PKD1L3: variants seen among roughly 807,000 people sequenced by gnomAD.
PKD1L3 encodes the protein polycystin-1-like protein 3.
PKD1L3 carries 239 observed loss-of-function variants against 184.1 expected under a neutral mutation model. That is an observed-to-expected ratio of 1.30 (90% CI 1.17 to 1.45). PKD1L3 has a LOEUF of 1.45. Among genes scored for constraint, PKD1L3 ranks in the 40% most tolerant of loss-of-function variants. The pLI, the probability that PKD1L3 is intolerant of heterozygous loss-of-function variation, is 0.00. For synonymous variants in PKD1L3, 996 were observed against 778.8 expected, an observed-to-expected ratio of 1.28 and a Z score of -4.64; for missense variants, 2,660 against 2,067.2, an observed-to-expected ratio of 1.29 and a Z score of -5.56.
At chr16:71,953,951 C>T (rs1055644469) in intron 17 of PKD1L3, among the ~76,000 whole-genome samples, 154 bp downstream of exon 17, 10 of 152,008 alleles carry the variant, frequency 6.6e-5, no homozygotes, top group African/African-American at 1.9e-4. Flanking sequence ...CATGGTGACT[C>T]GTGCCTGTAA....
rs1166159521 is a variant in PKD1L3 at position 71,963,223 on chromosome 16, C to G, written c.2594G>C (p.Arg865Thr). ...ACAGTACCTAAAGGAAAAGAGCTCT[C>G]TCTTTGAAACTGGGATGAAGACCCG... ...LDRVFIPVSK[R>T]ELFSFRHLFS... is the part of the protein sequence containing the mutation. The change falls in exon 16 of 30, where the codon AGA becomes ACA. Residue 865 changes from arginine (R) to threonine (T), a missense_variant. Coordinates refer to ENST00000620267, the MANE Select transcript of PKD1L3 (RefSeq NM_181536.2). 6.5e-7 allele frequency: 1 copy of G among 1,549,922 alleles called. No homozygotes were observed. The highest frequency in any genetic ancestry group is 8.7e-7 in the Non-Finnish European group (1 of 1,146,176).
At chr16:71,981,616 C>G (rs2040161365) in intron 7 of PKD1L3, among the ~76,000 whole-genome samples, 2 of 147,760 alleles carry the variant, frequency 1.4e-5, no homozygotes, top group Non-Finnish European at 1.5e-5. Context: ...TCTCGATTCA[C>G]TGCAACCTCT....
chr16:71,985,627 G>A (rs562710993), intron 5 of PKD1L3, among the ~76,000 whole-genome samples: 1 of 152,252 alleles, frequency 6.6e-6, no homozygotes, highest in Non-Finnish European at 1.5e-5. Flanking sequence ...TAGAGAAAAG[G>A]TCTCATAAAG....
chr16:71,960,975 G>A (rs2039255530), intron 16 of PKD1L3, among the ~76,000 whole-genome samples: 1 of 152,042 alleles, frequency 6.6e-6, no homozygotes, highest in Admixed American at 6.6e-5. Flanking sequence ...TTTTGGTGAA[G>A]GAGAGAAAAT....
At chr16:71,963,095 A>G (rs2039344396) in intron 16 of PKD1L3, 110 bp downstream of exon 16, 1 of 1,208,750 alleles carries the variant, frequency 8.3e-7, no homozygotes. Flanking sequence ...GTATGTTTGA[A>G]ATAATACATT....
At chr16:71,971,723 A>G (rs1440764066) in intron 12 of PKD1L3, among the ~76,000 whole-genome samples, 4 of 152,080 alleles carry the variant, frequency 2.6e-5, no homozygotes, top group Non-Finnish European at 5.9e-5. Flanking sequence ...ATTTTAACAA[A>G]CTGATTATAG....
intron 2 of PKD1L3, among the ~76,000 whole-genome samples, chr16:71,993,891 C>T (rs2040687269): frequency 1.3e-5 from 2 of 152,210 alleles, no homozygotes; most frequent in Non-Finnish European, 2.9e-5. Flanking sequence ...TCTCCTGCCT[C>T]AGCCTCCCGA....
At chr16:71,968,065 C>G in intron 13 of PKD1L3, 58 bp from the exon 14 acceptor site, 1 of 1,377,820 alleles carries the variant, frequency 7.3e-7, no homozygotes, top group Non-Finnish European at 1.0e-6. Flanking sequence ...TAGTTCCTGC[C>G]TCCTCCAGCT....
chr16:72,000,160 T>A lies in PKD1L3; in HGVS notation c.-182A>T, dbSNP rs558016364. 3.9e-5 allele frequency among the ~76,000 whole-genome samples: 6 copies of A among 152,200 alleles called. No individual in the cohort carries two copies. The East Asian group carries it at 1.2e-3, about 29-fold the overall frequency. ...GCAGGTCCTACAAGCTGAAAACAAA[T>A]AGCAGAGATCAATAAAACAATGGCC... On this transcript the variant is annotated 5_prime_UTR_variant, in exon 1 of 30. Coordinates refer to ENST00000620267, the MANE Select transcript of PKD1L3 (RefSeq NM_181536.2).
At position 71,951,566 on chromosome 16, in the gene PKD1L3, C is replaced by G; in HGVS notation, c.3188G>C (p.Arg1063Pro). Reference protein sequence around the residue: ...CHQQGERHWARVVPENHHHFC... With the variant: ...CHQQGERHWAPVVPENHHHFC... ...TACTGAAATCTACTGAAGTTTACCA[C>G]GTGCCCAGTGGCGCTCTCCCTGCTG... Residue 1063 changes from arginine (R) to proline (P), a missense_variant and splice_region_variant, in exon 19 of 30, where the codon CGT (arginine) becomes CCT (proline). By Grantham distance (103) the Arg-to-Pro change is moderately radical. Coordinates refer to ENST00000620267, the MANE Select transcript of PKD1L3 (RefSeq NM_181536.2). The G allele has an allele frequency of 6.5e-7, 1 of 1,548,354 alleles. No homozygotes were observed. Among genetic ancestry groups the G allele is most frequent in the Non-Finnish European group, 8.7e-7 (1 of 1,145,574 alleles).
intron 4 of PKD1L3, among the ~76,000 whole-genome samples, chr16:71,988,652 G>A (rs1192843156): frequency 6.6e-6 from 1 of 152,102 alleles, no homozygotes; most frequent in African/African-American, 2.4e-5. Flanking sequence ...ATATTATAGG[G>A]GTGGCAAAAC....
chr16:71,998,778 G>T (rs1341678936), intron 1 of PKD1L3, among the ~76,000 whole-genome samples: 1 of 152,044 alleles, frequency 6.6e-6, no homozygotes, highest in Non-Finnish European at 1.5e-5. Context: ...AAGTAAATAT[G>T]AAAGCCAAAT....
At chr16:71,931,776 T>C (rs1260922943) in intron 28 of PKD1L3, among the ~76,000 whole-genome samples, 1 of 152,272 alleles carries the variant, frequency 6.6e-6, no homozygotes, top group Non-Finnish European at 1.5e-5. Flanking sequence ...AAAGTCCCTT[T>C]TTAAAAATGG....
In PKD1L3 at chr16:71,983,594, T is replaced by C. The variant is rs185852702; in HGVS notation, c.966+442A>G. Among the ~76,000 whole-genome samples, 406 of 151,344 alleles carry C rather than the reference T, an allele frequency of 2.7e-3. 6 individuals carry two copies. Among genetic ancestry groups the C allele is most frequent in the African/African-American group, 9.6e-3 (398 of 41,350 alleles). ...CAGATTTAAAGGTAAAAAAATATGC[T>C]TGCTAAAATTTAAATACAGTCTTTA... On this transcript the variant is annotated intron_variant, in intron 6 of 29. Transcript: ENST00000620267.
chr16:71,970,040 G>A lies in PKD1L3; in HGVS notation c.2019C>T (p.Ser673=), dbSNP rs371541242. 2.2e-4 allele frequency: 336 copies of A among 1,551,528 alleles called. No homozygotes were observed. The highest frequency in any genetic ancestry group is 7.4e-4 in the South Asian group (62 of 84,064). The change falls in exon 13 of 30, where the codon AGC becomes AGT. Residue 673 remains serine, a synonymous_variant. Coordinates refer to ENST00000620267, the MANE Select transcript of PKD1L3 (RefSeq NM_181536.2). ...CGGTCCTGGGCACGACAAAGAAGTCGCTGGCAAAGAAGGTCAGGTGGTTAC... is the reference window on the plus strand; with the variant it reads ...CGGTCCTGGGCACGACAAAGAAGTCACTGGCAAAGAAGGTCAGGTGGTTAC... ...CLCNHLTFFA[S]DFFVVPRTVN...
chr16:71,929,870 GA>G (rs1238399083), intron 29 of PKD1L3, 181 bp downstream of exon 29: 3 of 977,494 alleles, frequency 3.1e-6, no homozygotes. Flanking sequence ...AATGGCTATA[GA>G]ATATTATGTA....
intron 11 of PKD1L3, 66 bp from the exon 12 acceptor site, chr16:71,973,583 C>G: frequency 7.5e-7 from 1 of 1,327,418 alleles, no homozygotes; most frequent in Non-Finnish European, 1.0e-6. Context: ...AACCTCTCTT[C>G]TAAAGGATCT....
intron 26 of PKD1L3, among the ~76,000 whole-genome samples, chr16:71,934,912 G>A (rs546696996): frequency 6.6e-6 from 1 of 152,188 alleles, no homozygotes; most frequent in African/African-American, 2.4e-5. Flanking sequence ...ACCAGAGAAG[G>A]TGCCCAAAGA....
intron 5 of PKD1L3, among the ~76,000 whole-genome samples, chr16:71,985,255 A>G (rs998763064): frequency 2.0e-5 from 3 of 152,182 alleles, no homozygotes; most frequent in African/African-American, 4.8e-5. Flanking sequence ...TTCTCCCCCA[A>G]ATAGAACACT....
Sources: allele counts gnomAD v4.1 joint callset (sites outside exome capture counted in the v4.1 genomes callset), GRCh38; gene constraint gnomAD v4.1.1; transcripts MANE v1.5; gene names NCBI Gene and HGNC (gene_info 2026-07-23, HGNC 2026-07-21).